The following MIS18A variants were observed in gnomAD, a reference collection of about 807,000 sequenced individuals.
MIS18A encodes the protein MIS18 kinetochore protein A.
In MIS18A, 14 loss-of-function variants were observed where a neutral mutation model predicts 25.0. The observed-to-expected ratio is 0.56, with a 90% CI of 0.37 to 0.88. MIS18A has a LOEUF of 0.88. Among genes scored for constraint, MIS18A ranks in the 40% least tolerant of loss-of-function variants. The pLI is 0.00. For missense variants in MIS18A, 292 were observed against 290.8 expected, an observed-to-expected ratio of 1.00 and a Z score of -0.03; for synonymous variants, 134 against 118.6, an observed-to-expected ratio of 1.13 and a Z score of -0.84.
At chr21:32,224,198 T>C in the MIS18A span, among the ~76,000 whole-genome samples, 3 of 150,350 alleles carry the variant, frequency 2.0e-5, no homozygotes, top group Non-Finnish European at 4.4e-5. Flanking sequence ...ACTGGAAGCA[T>C]TCCCTTTGAA....
chr21:32,230,427 C>G, the MIS18A span, among the ~76,000 whole-genome samples: 2 of 152,116 alleles, frequency 1.3e-5, no homozygotes, highest in Non-Finnish European at 2.9e-5. Context: ...TTACACAGAG[C>G]CTGGCTCCCA....
chr21:32,167,425 G>A, the MIS18A span, among the ~76,000 whole-genome samples: 1 of 152,090 alleles, frequency 6.6e-6, no homozygotes, highest in Non-Finnish European at 1.5e-5. Context: ...CAGATAATTG[G>A]AATTTATTTT....
At chr21:32,168,627 T>C in the MIS18A span, among the ~76,000 whole-genome samples, 1 of 152,142 alleles carries the variant, frequency 6.6e-6, no homozygotes, top group Non-Finnish European at 1.5e-5. Context: ...AGTCAAAGTG[T>C]TGTAAGGCCC....
chr21:32,265,420 T>C (rs965283461), downstream of MIS18A, among the ~76,000 whole-genome samples: 1 of 152,188 alleles, frequency 6.6e-6, no homozygotes, highest in African/African-American at 2.4e-5. Flanking sequence ...GGCCCCGCAC[T>C]TGGAGCAGCC....
At chr21:32,184,608 C>G in the MIS18A span, among the ~76,000 whole-genome samples, 380 of 152,288 alleles carry the variant, frequency 2.5e-3, 1 homozygote, top group Non-Finnish European at 3.7e-3. Context: ...CCTCCTTCGG[C>G]TTCCTGCATC....
chr21:32,223,599 T>C, the MIS18A span, among the ~76,000 whole-genome samples: 4 of 152,264 alleles, frequency 2.6e-5, no homozygotes, highest in Non-Finnish European at 5.9e-5. Flanking sequence ...AATCCCTGAA[T>C]AGACCAATAA....
At chr21:32,262,217 A>G in the MIS18A span, among the ~76,000 whole-genome samples, 367 of 152,368 alleles carry the variant, frequency 2.4e-3, 3 homozygotes, top group African/African-American at 8.1e-3. Flanking sequence ...CCCCAAGCAC[A>G]GTGCTCCGCA....
At chr21:32,219,067 C>CAA in the MIS18A span, among the ~76,000 whole-genome samples, 4 of 84,358 alleles carry the variant, frequency 4.7e-5, no homozygotes, top group African/African-American at 7.1e-5. Context: ...GACTCTGTCT[C>CAA]AAAAAAAAAA....
the MIS18A span, among the ~76,000 whole-genome samples, chr21:32,255,616 G>A: frequency 6.7e-6 from 1 of 150,296 alleles, no homozygotes. Flanking sequence ...TTGGCCAGGC[G>A]CGGTGGCTCA....
the MIS18A span, among the ~76,000 whole-genome samples, chr21:32,227,929 A>G: frequency 6.6e-6 from 1 of 152,226 alleles, no homozygotes; most frequent in Non-Finnish European, 1.5e-5. Flanking sequence ...TCATATTAAT[A>G]AAGGACAAAA....
At chr21:32,168,888 T>C in the MIS18A span, among the ~76,000 whole-genome samples, 4 of 152,218 alleles carry the variant, frequency 2.6e-5, no homozygotes, top group Non-Finnish European at 5.9e-5. Flanking sequence ...GTCAGTAATT[T>C]AATCAGTGTA....
At chr21:32,256,022 G>C in the MIS18A span, among the ~76,000 whole-genome samples, 3 of 152,056 alleles carry the variant, frequency 2.0e-5, no homozygotes, top group African/African-American at 7.2e-5. Flanking sequence ...TGACTTCTTT[G>C]AGGATAACCA....
the MIS18A span, among the ~76,000 whole-genome samples, chr21:32,212,770 A>G: frequency 6.6e-6 from 1 of 152,044 alleles, no homozygotes; most frequent in Admixed American, 6.6e-5. Flanking sequence ...AAGGTAGTGA[A>G]AAAGTCTAAT....
chr21:32,199,650 A>T, the MIS18A span, among the ~76,000 whole-genome samples: 2 of 152,100 alleles, frequency 1.3e-5, no homozygotes, highest in African/African-American at 4.8e-5. Context: ...TCTACTAAAA[A>T]TACAAAAATT....
the MIS18A span, among the ~76,000 whole-genome samples, chr21:32,158,370 A>C: frequency 6.6e-6 from 1 of 152,228 alleles, no homozygotes; most frequent in Non-Finnish European, 1.5e-5. Flanking sequence ...CATTGAAAAA[A>C]AGTCAATATT....
intron 1 of MIS18A, among the ~76,000 whole-genome samples, chr21:32,275,370 G>C (rs1031673274): frequency 6.6e-6 from 1 of 152,160 alleles, no homozygotes; most frequent in African/African-American, 2.4e-5. Context: ...ACACTGCAAA[G>C]AATTATCTGC....
At chr21:32,180,385 G>C in the MIS18A span, among the ~76,000 whole-genome samples, 1 of 152,056 alleles carries the variant, frequency 6.6e-6, no homozygotes, top group Non-Finnish European at 1.5e-5. Context: ...ATTTCCCAAG[G>C]CTTCCCTCTG....
At chr21:32,193,928 T>C in the MIS18A span, among the ~76,000 whole-genome samples, 2,252 of 152,258 alleles carry the variant, frequency 0.015, 31 homozygotes, top group Non-Finnish European at 0.025. Context: ...TGTCCTATGA[T>C]TGTGGGATGT....
the MIS18A span, among the ~76,000 whole-genome samples, chr21:32,255,161 C>CTT: frequency 6.6e-6 from 1 of 151,936 alleles, no homozygotes; most frequent in African/African-American, 2.4e-5. Flanking sequence ...ATTGTAGATA[C>CTT]TTTTACTGTC....
Sources: gnomAD v4.1 joint callset for allele counts (sites outside exome capture counted in the v4.1 genomes callset) on GRCh38, gnomAD v4.1.1 for gene constraint, MANE v1.5 for transcripts, NCBI Gene and HGNC (gene_info 2026-07-23, HGNC 2026-07-21) for gene names.